MIB1: variants seen among roughly 807,000 people sequenced by gnomAD.
The protein encoded by MIB1 is E3 ubiquitin-protein ligase MIB1.
MIB1 carries 278 observed loss-of-function variants against 124.5 expected under a neutral mutation model. The observed-to-expected ratio is 2.23, with a 90% CI of 2.02 to 2.47. The LOEUF (loss-of-function observed/expected upper bound fraction) is 2.47. Among genes scored for constraint, MIB1 ranks in the 30% most tolerant of loss-of-function variants. The probability of loss-of-function intolerance (pLI) is 0.00; values close to 1 mark genes in which losing one functional copy is unlikely to be tolerated. For synonymous variants in MIB1, 446 were observed against 429.4 expected (o/e 1.04, Z -0.48); for missense variants, 957 against 1,254.4 (o/e 0.76, Z 3.58).
intron 20 of MIB1, among the ~76,000 whole-genome samples, chr18:21,862,006 G>A (rs1306046449): frequency 6.6e-6 from 1 of 151,972 alleles, no homozygotes; most frequent in East Asian, 1.9e-4. Context: ...GGTTCAAGCA[G>A]TTCTCCCACC....
At chr18:21,807,009 C>T (rs2041716618) in intron 10 of MIB1, among the ~76,000 whole-genome samples, 1 of 152,122 alleles carries the variant, frequency 6.6e-6, no homozygotes, top group African/African-American at 2.4e-5. Flanking sequence ...TTTGGATTTC[C>T]ATTTTGTGCA....
At chr18:21,708,250 A>T (rs1355244785) in intron 1 of MIB1, among the ~76,000 whole-genome samples, 1 of 152,208 alleles carries the variant, frequency 6.6e-6, no homozygotes, top group Non-Finnish European at 1.5e-5. Flanking sequence ...ACTTAGGCAA[A>T]TCATTTACTC....
At chr18:21,829,983 G>C (rs1449588070) in intron 12 of MIB1, among the ~76,000 whole-genome samples, 1 of 152,022 alleles carries the variant, frequency 6.6e-6, no homozygotes, top group East Asian at 1.9e-4. Context: ...GTAGCCTTCA[G>C]TTATTGTGGT....
chr18:21,818,167 A>G (rs542937311), intron 11 of MIB1, among the ~76,000 whole-genome samples: 35 of 152,324 alleles, frequency 2.3e-4, no homozygotes, highest in Non-Finnish European at 5.1e-4. Flanking sequence ...TGACTGCACA[A>G]GATGTTCATC....
At chr18:21,717,695 G>A (rs888572986) in intron 1 of MIB1, among the ~76,000 whole-genome samples, 3 of 152,072 alleles carry the variant, frequency 2.0e-5, no homozygotes, top group Non-Finnish European at 2.9e-5. Context: ...AACACAATGC[G>A]ATGCCACCTT....
chr18:21,868,511 G>A lies in MIB1; in HGVS notation c.*3845G>A, dbSNP rs1195130413. 1 of 152,400 alleles carries A rather than the reference G, an allele frequency of 6.6e-6. No individual in the cohort carries two copies. Among genetic ancestry groups the A allele is most frequent in the Non-Finnish European group, 1.5e-5 (1 of 67,894 alleles). 9.4% of individuals were successfully genotyped at this position (152,400 alleles called of 1,614,324 possible). A position where few individuals can be genotyped will look rare whatever the true frequency, so the allele number is the denominator to read the frequency against. ...TTTCATTTTGAGCCAGAGGGGAGAG[G>A]CACATTTTAAATATCAGAATTAGAT... On this transcript the variant is annotated 3_prime_UTR_variant, in exon 21 of 21. Transcript: ENST00000261537.
At chr18:21,713,612 CAAAAAAAAAAA>C (rs57282241) in intron 1 of MIB1, among the ~76,000 whole-genome samples, 1 of 44,212 alleles carries the variant, frequency 2.3e-5, no homozygotes. Context: ...GATTCTGTCT[CAAAAAAAAAAA>C]AAAAAAAAAA....
chr18:21,777,944 T>C (rs1320250663), intron 4 of MIB1, among the ~76,000 whole-genome samples, 159 bp from the exon 5 acceptor site: 1 of 152,244 alleles, frequency 6.6e-6, no homozygotes, highest in Non-Finnish European at 1.5e-5. Context: ...TTCTAGTTTT[T>C]ACAAGTACTT....
chr18:21,846,814 T>TAG (rs1424631979), intron 15 of MIB1, 130 bp from the exon 16 acceptor site: 17 of 791,124 alleles, frequency 2.1e-5, no homozygotes, highest in Non-Finnish European at 3.2e-5. Flanking sequence ...AAACCAGGGG[T>TAG]AGAGTGGTGG....
At chr18:21,720,811 C>G (rs1051086470) in intron 1 of MIB1, among the ~76,000 whole-genome samples, 2 of 152,048 alleles carry the variant, frequency 1.3e-5, no homozygotes, top group African/African-American at 4.8e-5. Flanking sequence ...AAAAATTAGC[C>G]AGGCATGGTG....
chr18:21,710,699 A>T (rs900475979), intron 1 of MIB1, among the ~76,000 whole-genome samples: 2 of 152,142 alleles, frequency 1.3e-5, no homozygotes, highest in Non-Finnish European at 2.9e-5. Context: ...GCAGTGAGGG[A>T]TATTCACACC....
intron 1 of MIB1, among the ~76,000 whole-genome samples, chr18:21,714,086 A>T (rs1034641428): frequency 2.0e-5 from 3 of 152,204 alleles, no homozygotes; most frequent in African/African-American, 7.2e-5. Context: ...TGGTGAATGC[A>T]GTTCATATCC....
At chr18:21,823,077 T>C (rs193242684) in intron 12 of MIB1, among the ~76,000 whole-genome samples, 179 of 151,848 alleles carry the variant, frequency 1.2e-3, no homozygotes, top group Admixed American at 2.0e-3. Context: ...CTACTAAAAA[T>C]ACAAAAATCA....
chr18:21,805,139 A>G (rs965561092), intron 10 of MIB1, among the ~76,000 whole-genome samples: 3 of 151,938 alleles, frequency 2.0e-5, no homozygotes, highest in African/African-American at 7.3e-5. Context: ...CAGCCTCCCC[A>G]GTAGCTGCGA....
intron 12 of MIB1, among the ~76,000 whole-genome samples, chr18:21,820,956 C>A (rs936470354): frequency 6.6e-6 from 1 of 152,206 alleles, no homozygotes; most frequent in African/African-American, 2.4e-5. Context: ...AAGACCAAAA[C>A]ACATGGGCAG....
intron 4 of MIB1, among the ~76,000 whole-genome samples, chr18:21,777,659 A>T (rs1382074212): frequency 6.6e-6 from 1 of 151,944 alleles, no homozygotes; most frequent in Admixed American, 6.6e-5. Flanking sequence ...GGTTCAAGCG[A>T]TTCTCCTGCC....
Position 21,847,115 on chromosome 18 carries a change from GA to G in MIB1, c.2388del (p.Val797SerfsTer12), listed in dbSNP as rs1280959758. The G allele has an allele frequency of 1.9e-6, 3 of 1,613,488 alleles. No homozygotes were observed. The highest frequency in any genetic ancestry group is 8.5e-7 in the Non-Finnish European group (1 of 1,179,740). ...LCKALAKCHKEKVSGQVGSRS... is the reference protein window; with the variant it reads ...LCKALAKCHKXKVSGQVGSRS... Reference sequence around the variant, plus strand: ...CAAAGCACTGGCAAAGTGTCATAAGGAAAAAGTCAGGTTTGTATTATTTATT... The same window carrying G: ...CAAAGCACTGGCAAAGTGTCATAAGGAAAAGTCAGGTTTGTATTATTTATT... On this transcript the variant is annotated frameshift_variant, in exon 16 of 21. Coordinates refer to ENST00000261537, the MANE Select transcript of MIB1 (RefSeq NM_020774.4). LOFTEE classifies it high-confidence loss of function.
Position 21,819,505 on chromosome 18 carries a change from G to A in MIB1, c.1688G>A (p.Gly563Asp). ...TCTTTAAACTTAAAGGATTCTGAAG[G>A]TGATACCCCTCTTCATGATGCAATA... is the stretch of plus-strand genomic sequence containing the variant. The part of the protein sequence containing the change: ...GCHPSLQDSE[G>D]DTPLHDAISK... The change falls in exon 12 of 21, where the codon GGT becomes GAT. Residue 563 changes from glycine (G) to aspartate (D), a missense_variant. By Grantham distance (94) the Gly-to-Asp change is moderately conservative. Transcript: ENST00000261537. The A allele has an allele frequency of 6.3e-7, 1 of 1,599,788 alleles. No homozygotes were observed.
chr18:21,855,366 T>TTAGAAACAATACAGA (rs1420103904), intron 18 of MIB1, among the ~76,000 whole-genome samples: 1 of 151,974 alleles, frequency 6.6e-6, no homozygotes, highest in African/African-American at 2.4e-5. Context: ...TGAAGAAAGA[T>TTAGAAACAATACAGA]TAGAAACAAT....
Sources: allele counts gnomAD v4.1 joint callset (sites outside exome capture counted in the v4.1 genomes callset), GRCh38; gene constraint gnomAD v4.1.1; transcripts MANE v1.5; gene names NCBI Gene and HGNC (gene_info 2026-07-23, HGNC 2026-07-21).